UBE2O: variants seen among roughly 807,000 people sequenced by gnomAD.
The protein encoded by UBE2O is (E3-independent) E2 ubiquitin-conjugating enzyme.
In UBE2O, 15 loss-of-function variants were observed where a neutral mutation model predicts 125.8. The ratio of observed to expected loss-of-function variants is 0.12; its 90% CI spans 0.08 to 0.18. UBE2O has a LOEUF of 0.18. Ranked by LOEUF, UBE2O falls within the 10% of genes least tolerant of loss-of-function variation. The pLI is 1.00. For missense variants in UBE2O, 1,280 were observed against 1,723.6 expected (o/e 0.74, Z 4.56); for synonymous variants, 708 against 703.2 (o/e 1.01, Z -0.11).
At chr17:76,447,057 C>A (rs545540947) in intron 1 of UBE2O, among the ~76,000 whole-genome samples, 1 of 152,334 alleles carries the variant, frequency 6.6e-6, no homozygotes, top group South Asian at 2.1e-4. Context: ...ACAACTTCCA[C>A]CTATCCCAAC....
chr17:76,390,989 G>A lies in UBE2O; in HGVS notation c.3833C>T (p.Ala1278Val). The A allele has an allele frequency of 6.2e-7, 1 of 1,613,402 alleles. No individual in the cohort carries two copies. The highest frequency in any genetic ancestry group is 8.5e-7 in the Non-Finnish European group (1 of 1,179,806). ...SIRGVLTQFRAALLEAGMPEC... is the reference protein window; with the variant it reads ...SIRGVLTQFRVALLEAGMPEC... Reference sequence around the variant, plus strand: ...CGGCATGCCTGCCTCTAGCAGGGCAGCCCGGAACTGCGTCAGGACACCCCG... The same window carrying A: ...CGGCATGCCTGCCTCTAGCAGGGCAACCCGGAACTGCGTCAGGACACCCCG... The change falls in exon 18 of 18, where the codon GCT becomes GTT. Residue 1278 changes from alanine (A) to valine (V), a missense_variant. Around this residue, in one of 10 missense-constraint regions of UBE2O, gnomAD observed 233 missense variants for 279.0 expected, o/e 0.84. Coordinates refer to ENST00000319380, the MANE Select transcript of UBE2O (RefSeq NM_022066.4).
chr17:76,401,473 T>C (rs937629002), intron 5 of UBE2O, among the ~76,000 whole-genome samples: 2 of 152,344 alleles, frequency 1.3e-5, no homozygotes, highest in East Asian at 3.9e-4. Context: ...TATATCTACT[T>C]GTTTGCTGTG....
In UBE2O at chr17:76,395,967, C is replaced by G. The variant is rs749873487; in HGVS notation, c.2810-106G>C. 1.3e-6 allele frequency: 2 copies of G among 1,550,190 alleles called. No homozygotes were observed. Among genetic ancestry groups the G allele is most frequent in the Non-Finnish European group, 1.8e-6 (2 of 1,137,566 alleles). On this transcript the variant is annotated intron_variant, in intron 14 of 17. Transcript: ENST00000319380. This position sits in a 1 kb window ranked among gnomAD's most constrained non-coding sequence, Gnocchi z 5.0. ...ACACCCACAGACTTCCCACTCGCCGCTGCTGGCCTCAGCACTGTGACCACA... is the reference window on the plus strand; with the variant it reads ...ACACCCACAGACTTCCCACTCGCCGGTGCTGGCCTCAGCACTGTGACCACA...
intron 1 of UBE2O, among the ~76,000 whole-genome samples, chr17:76,425,308 G>GT (rs1402225619): frequency 7.2e-6 from 1 of 139,348 alleles, no homozygotes; most frequent in African/African-American, 2.6e-5. Flanking sequence ...GGCTCATATT[G>GT]TATTTTTTTA....
chr17:76,402,804 G>C lies in UBE2O; in HGVS notation c.589-105C>G, dbSNP rs150768445. 6.1e-3 allele frequency: 5,855 copies of C among 962,700 alleles called. 95 individuals carry two copies. Among genetic ancestry groups the C allele is most frequent in the South Asian group, 0.036 (2,710 of 75,070 alleles). 59.6% of individuals were successfully genotyped at this position (962,700 alleles called of 1,614,324 possible). A position where few individuals can be genotyped will look rare whatever the true frequency, so the allele number is the denominator to read the frequency against. ...CGAAGACAGGATGGGGGAGGATCTA[G>C]ACAGCTCACTGACTGGACCGGTTGG... On this transcript the variant is annotated intron_variant, in intron 3 of 17. Coordinates refer to ENST00000319380, the MANE Select transcript of UBE2O (RefSeq NM_022066.4). The surrounding 1 kb of genome is among the most constrained non-coding windows in gnomAD (Gnocchi z 5.4).
chr17:76,420,300 G>A (rs758679397), intron 1 of UBE2O, among the ~76,000 whole-genome samples: 7 of 152,134 alleles, frequency 4.6e-5, no homozygotes, highest in African/African-American at 7.2e-5. Context: ...TTGTTTCCCC[G>A]GGGGCCAAGT....
intron 1 of UBE2O, among the ~76,000 whole-genome samples, chr17:76,443,920 C>T (rs2073114251): frequency 6.6e-6 from 1 of 152,110 alleles, no homozygotes; most frequent in Admixed American, 6.5e-5. Flanking sequence ...GAAGGAAATA[C>T]CGTTAAGAGG....
At chr17:76,417,944 T>C (rs1390042561) in intron 1 of UBE2O, among the ~76,000 whole-genome samples, 1 of 152,172 alleles carries the variant, frequency 6.6e-6, no homozygotes, top group African/African-American at 2.4e-5. Flanking sequence ...TCACTGCATT[T>C]AGAGGAGCTG....
At position 76,437,597 on chromosome 17, in the gene UBE2O, G is replaced by A. The variant is rs570986311; in HGVS notation, c.417+15128C>T. Among the ~76,000 whole-genome samples, 19 of 151,860 alleles carry A rather than the reference G, an allele frequency of 1.3e-4. 1 individual carries two copies. The South Asian group carries it at 3.7e-3, about 30-fold the overall frequency. Reference sequence around the variant, plus strand: ...TGTGGCTGATGTTAATATCTTTTTTGCGAGATGCAGTCTCACCACAATGCC... The same window carrying A: ...TGTGGCTGATGTTAATATCTTTTTTACGAGATGCAGTCTCACCACAATGCC... On this transcript the variant is annotated intron_variant, in intron 1 of 17. Transcript: ENST00000319380.
At chr17:76,438,346 A>C (rs1439345997) in intron 1 of UBE2O, among the ~76,000 whole-genome samples, 1 of 152,122 alleles carries the variant, frequency 6.6e-6, no homozygotes, top group East Asian at 1.9e-4. Flanking sequence ...TTTGTTATGC[A>C]TATTTTACTA....
chr17:76,396,811 T>C lies in UBE2O; in HGVS notation c.2126A>G (p.Asn709Ser), dbSNP rs2072217925. The change falls in exon 14 of 18, where the codon AAC becomes AGC. Residue 709 changes from asparagine (N) to serine (S), a missense_variant. Physicochemically the swap from Asn to Ser is conservative, Grantham distance 46. This residue lies in a region of UBE2O where 210 missense variants were observed against 268.9 expected (regional missense o/e 0.78). Transcript: ENST00000319380. The surrounding 1 kb of genome is among the most constrained non-coding windows in gnomAD (Gnocchi z 6.7). ...KTIILPQHLY[N>S]IESEIEESDY... ...TGACTCCTCAATCTCAGACTCTATG[T>C]TGTACAAGTGCTGGGGGCAGAAGGG... is the stretch of plus-strand genomic sequence containing the variant. The C allele has an allele frequency of 1.3e-6, 2 of 1,593,576 alleles. No homozygotes were observed. The highest frequency in any genetic ancestry group is 1.3e-5 in the African/African-American group (1 of 74,582).
rs370813249 is a variant in UBE2O at position 76,390,898 on chromosome 17, G to A, written c.*45C>T. ...TTCCGGGGGGGAGTGAGCAGGCGGCGGCTGGCCTCTCCCACGGTGATGCTC... is the reference window on the plus strand; with the variant it reads ...TTCCGGGGGGGAGTGAGCAGGCGGCAGCTGGCCTCTCCCACGGTGATGCTC... On this transcript the variant is annotated 3_prime_UTR_variant, in exon 18 of 18. Coordinates refer to ENST00000319380, the MANE Select transcript of UBE2O (RefSeq NM_022066.4). The A allele has an allele frequency of 2.2e-5, 34 of 1,540,716 alleles. No homozygotes were observed. Among genetic ancestry groups the A allele is most frequent in the African/African-American group, 1.1e-4 (8 of 73,114 alleles).
intron 15 of UBE2O, among the ~76,000 whole-genome samples, chr17:76,392,446 G>A (rs892956062): frequency 6.6e-6 from 1 of 151,890 alleles, no homozygotes; most frequent in African/African-American, 2.4e-5. Flanking sequence ...TTTATTTTGT[G>A]TACAGACAGG....
At chr17:76,417,073 G>C (rs377253) in intron 1 of UBE2O, among the ~76,000 whole-genome samples, 9,693 of 152,300 alleles carry the variant, frequency 0.064, 381 homozygotes, top group South Asian at 0.13. Flanking sequence ...CTGGGCACCA[G>C]ATGCCTCATC....
chr17:76,396,046 C>T lies in UBE2O; in HGVS notation c.2809+82G>A. The T allele has an allele frequency of 6.6e-7, 1 of 1,521,492 alleles. No homozygotes were observed. The allele number at this position is 1,521,492 out of a possible 1,614,324, so 94.2% of individuals were successfully genotyped here. On this transcript the variant is annotated intron_variant, in intron 14 of 17. Coordinates refer to ENST00000319380, the MANE Select transcript of UBE2O (RefSeq NM_022066.4). The surrounding 1 kb of genome is among the most constrained non-coding windows in gnomAD (Gnocchi z 6.7). ...GCTGGGGTCTGGCGAGGGGACTAAC[C>T]ACCCTGCACCCAGATCTGGTGACAC...
rs770260088 is a variant in UBE2O, at chr17:76,395,868, G to A, written c.2810-7C>T. The A allele has an allele frequency of 3.9e-5, 63 of 1,614,008 alleles. No homozygotes were observed. Among genetic ancestry groups the A allele is most frequent in the Non-Finnish European group, 5.3e-5 (63 of 1,180,056 alleles). On this transcript the variant is annotated splice_polypyrimidine_tract_variant and splice_region_variant and intron_variant, in intron 14 of 17. Transcript: ENST00000319380. This position sits in a 1 kb window ranked among gnomAD's most constrained non-coding sequence, Gnocchi z 5.0. ...TTCTTAAAAGAATGATTTGCTAGAG[G>A]GGGGAAGAGAATAGTCAGTCCCTCA...
rs1161339786 is a variant in UBE2O, at chr17:76,405,773, G to A, written c.418-201C>T. Among the ~76,000 whole-genome samples, 2 of 152,192 alleles carry A rather than the reference G, an allele frequency of 1.3e-5. No individual in the cohort carries two copies. The highest frequency in any genetic ancestry group is 1.3e-4 in the Admixed American group (2 of 15,270). On this transcript the variant is annotated intron_variant, in intron 1 of 17. Coordinates refer to ENST00000319380, the MANE Select transcript of UBE2O (RefSeq NM_022066.4). This position sits in a 1 kb window ranked among gnomAD's most constrained non-coding sequence, Gnocchi z 6.1. ...ACAGGCAGAGCGCGTCACGCCCACAGGCCTCCTGGGGCCCCTGTGGTCACT... is the reference window on the plus strand; with the variant it reads ...ACAGGCAGAGCGCGTCACGCCCACAAGCCTCCTGGGGCCCCTGTGGTCACT...
Position 76,405,322 on chromosome 17 carries a change from G to A in UBE2O, c.478-6C>T, listed in dbSNP as rs1231275337. 1 of 1,604,964 alleles carries A rather than the reference G, an allele frequency of 6.2e-7. No individual in the cohort carries two copies. Among genetic ancestry groups the A allele is most frequent in the Non-Finnish European group, 8.5e-7 (1 of 1,173,304 alleles). On this transcript the variant is annotated splice_polypyrimidine_tract_variant and splice_region_variant and intron_variant, in intron 2 of 17. Coordinates refer to ENST00000319380, the MANE Select transcript of UBE2O (RefSeq NM_022066.4). This position sits in a 1 kb window ranked among gnomAD's most constrained non-coding sequence, Gnocchi z 6.1. ...ACCGTGCCACACTGACTGTCCTGGG[G>A]GAGGGAGGAGACATGCAAGTCCCGT... is the stretch of plus-strand genomic sequence containing the variant.
At chr17:76,397,717 A>G in intron 13 of UBE2O, 82 bp downstream of exon 13, 4 of 1,355,110 alleles carry the variant, frequency 3.0e-6, no homozygotes, top group East Asian at 2.3e-5. Context: ...CTGAGAGCCC[A>G]TCTTCTGGCT....
Sources: allele counts gnomAD v4.1 joint callset (sites outside exome capture counted in the v4.1 genomes callset), GRCh38; gene constraint gnomAD v4.1.1; regional missense constraint gnomAD v4.1.1; non-coding constraint Gnocchi (gnomAD v3.1); transcripts MANE v1.5; gene names NCBI Gene and HGNC (gene_info 2026-07-23, HGNC 2026-07-21).